RNF111: variants seen among roughly 807,000 people sequenced by gnomAD.
RNF111 encodes the protein E3 ubiquitin-protein ligase Arkadia.
Under a neutral mutation model 95.1 loss-of-function variants are expected in RNF111, and 17 were observed. The observed-to-expected ratio is 0.18, with a 90% CI of 0.12 to 0.27. The LOEUF (loss-of-function observed/expected upper bound fraction) is 0.27. Among genes scored for constraint, RNF111 ranks in the 10% least tolerant of loss-of-function variants. The probability of loss-of-function intolerance (pLI) is 1.00; values close to 1 mark genes in which losing one functional copy is unlikely to be tolerated. For missense variants in RNF111, 1,189 were observed against 1,210.4 expected, an observed-to-expected ratio of 0.98 and a Z score of 0.26; for synonymous variants, 440 against 414.8, an observed-to-expected ratio of 1.06 and a Z score of -0.74.
chr15:59,070,055 T>C (rs2042847533), intron 6 of RNF111, among the ~76,000 whole-genome samples: 1 of 122,830 alleles, frequency 8.1e-6, no homozygotes, highest in South Asian at 2.6e-4. Context: ...TTTTTTTTTT[T>C]TTTTAGAGAG....
At chr15:59,021,948 C>G (rs2040365582) in intron 1 of RNF111, among the ~76,000 whole-genome samples, 1 of 152,058 alleles carries the variant, frequency 6.6e-6, no homozygotes, top group Non-Finnish European at 1.5e-5. Context: ...GCAACCTTGC[C>G]TCCCAGGTTC....
intron 1 of RNF111, among the ~76,000 whole-genome samples, chr15:59,020,498 C>T (rs1187262541): frequency 5.9e-5 from 9 of 152,058 alleles, no homozygotes; most frequent in Non-Finnish European, 1.2e-4. Context: ...TTGCTATTGG[C>T]TGTAATAATA....
Position 59,097,242 on chromosome 15 carries a change from A to C in RNF111, c.*2342A>C, listed in dbSNP as rs561623124. 6.6e-6 allele frequency: 1 copy of C among 152,268 alleles called. No homozygotes were observed. Among genetic ancestry groups the C allele is most frequent in the Non-Finnish European group, 1.5e-5 (1 of 68,056 alleles). The allele number at this position is 152,268 out of a possible 1,614,324, so 9.4% of individuals were successfully genotyped here. Reference sequence around the variant, plus strand: ...TGAACATTTCAGTGGTAGCTGTCCAAATACATAAAAACTAAAATTCTTTTG... The same window carrying C: ...TGAACATTTCAGTGGTAGCTGTCCACATACATAAAAACTAAAATTCTTTTG... On this transcript the variant is annotated 3_prime_UTR_variant, in exon 14 of 14. Coordinates refer to ENST00000348370, the MANE Select transcript of RNF111 (RefSeq NM_017610.8).
chr15:58,988,180 G>A (rs2038651699), intron 1 of RNF111, 112 bp downstream of exon 1: 1 of 152,446 alleles, frequency 6.6e-6, no homozygotes, highest in African/African-American at 2.4e-5. Context: ...GGAAGGCTGG[G>A]GTCGGTGACC....
intron 1 of RNF111, among the ~76,000 whole-genome samples, chr15:59,023,109 A>G (rs146068178): frequency 0.012 from 1,790 of 152,198 alleles, 92 homozygotes; most frequent in Admixed American, 0.1. Context: ...TTAACTGGGC[A>G]TGGTGGTGCG....
At chr15:59,045,577 G>A (rs1032384036) in intron 2 of RNF111, among the ~76,000 whole-genome samples, 1 of 152,080 alleles carries the variant, frequency 6.6e-6, no homozygotes, top group Non-Finnish European at 1.5e-5. Flanking sequence ...TTGACATATA[G>A]ATATAACTTT....
chr15:59,046,294 G>A (rs1264065411), intron 2 of RNF111, among the ~76,000 whole-genome samples: 2 of 151,564 alleles, frequency 1.3e-5, no homozygotes, highest in African/African-American at 2.4e-5. Flanking sequence ...CCAGGGCTAA[G>A]GTGATCCTCC....
At chr15:59,080,886 G>A (rs1414325106) in intron 7 of RNF111, 50 bp from the exon 8 acceptor site, 1 of 1,383,482 alleles carries the variant, frequency 7.2e-7, no homozygotes, top group South Asian at 1.3e-5. Context: ...AGCAATATAT[G>A]TTCAACTGCA....
chr15:59,085,626 A>G lies in RNF111; in HGVS notation c.2424-33A>G, dbSNP rs1177545394. 1.9e-6 allele frequency: 3 copies of G among 1,602,596 alleles called. No individual in the cohort carries two copies. In the South Asian group the frequency reaches 3.4e-5, roughly 18 times the overall value. On this transcript the variant is annotated intron_variant, in intron 9 of 13. Transcript: ENST00000348370. Reference sequence around the variant, plus strand: ...GTCTGTTGATAAAAAAGAGACCCTAAGGAGGATTAAACTGTTCTCATCCTT... The same window carrying G: ...GTCTGTTGATAAAAAAGAGACCCTAGGGAGGATTAAACTGTTCTCATCCTT...
At chr15:59,072,208 G>A (rs78784943) in intron 6 of RNF111, among the ~76,000 whole-genome samples, 1,536 of 152,188 alleles carry the variant, frequency 0.01, 28 homozygotes, top group African/African-American at 0.035. Context: ...TAAAGATTGG[G>A]GTGGCTGTGG....
At chr15:59,092,836 A>C (rs1159648576) in intron 13 of RNF111, among the ~76,000 whole-genome samples, 196 bp downstream of exon 13, 1 of 152,206 alleles carries the variant, frequency 6.6e-6, no homozygotes, top group Non-Finnish European at 1.5e-5. Context: ...TCTACAAAAA[A>C]GAAAAATAGT....
rs769160814 is a variant in RNF111 at position 59,055,788 on chromosome 15, A to T, written c.1114A>T (p.Ile372Leu). ...PRNRSRISTV[I>L]QPLRQNAAEV... ...GAACCGCAGTAGGATTTCTACTGTT[A>T]TACAGCCCTTGAGGCAGAATGCAGC... Residue 372 changes from isoleucine (I) to leucine (L), a missense_variant, in exon 4 of 14, where the codon ATA (isoleucine) becomes TTA (leucine). This residue lies in a region of RNF111 where 1,024 missense variants were observed against 925.9 expected (regional missense o/e 1.11). Transcript: ENST00000348370. The T allele has an allele frequency of 1.9e-6, 3 of 1,614,058 alleles. No homozygotes were observed. The highest frequency in any genetic ancestry group is 2.5e-6 in the Non-Finnish European group (3 of 1,179,952).
At chr15:59,013,055 T>G (rs2039903128) in intron 1 of RNF111, among the ~76,000 whole-genome samples, 1 of 152,040 alleles carries the variant, frequency 6.6e-6, no homozygotes, top group African/African-American at 2.4e-5. Flanking sequence ...CAGCTTTAGA[T>G]TTTTGGAGAT....
chr15:59,071,755 C>T (rs1025186864), intron 6 of RNF111, among the ~76,000 whole-genome samples: 1 of 151,988 alleles, frequency 6.6e-6, no homozygotes, highest in African/African-American at 2.4e-5. Context: ...GGAATCTACC[C>T]TCTGGTTTAT....
At chr15:58,996,831 CTG>C (rs1161141941) in intron 1 of RNF111, among the ~76,000 whole-genome samples, 1 of 151,862 alleles carries the variant, frequency 6.6e-6, no homozygotes, top group Non-Finnish European at 1.5e-5. Flanking sequence ...CAATTAATAT[CTG>C]TACACGGTTT....
chr15:59,092,716 G>A (rs868532928), intron 13 of RNF111, 76 bp downstream of exon 13: 237 of 1,357,580 alleles, frequency 1.7e-4, no homozygotes, highest in South Asian at 1.3e-3. Flanking sequence ...AAATTACACC[G>A]GGCATGATGG....
chr15:59,017,104 G>C (rs1242139213), intron 1 of RNF111, among the ~76,000 whole-genome samples: 2 of 151,970 alleles, frequency 1.3e-5, no homozygotes, highest in Non-Finnish European at 2.9e-5. Flanking sequence ...TAGAAACAAA[G>C]TGCACAATAA....
intron 3 of RNF111, 104 bp from the exon 4 acceptor site, chr15:59,055,578 C>A (rs1020647384): frequency 2.3e-6 from 2 of 864,558 alleles, no homozygotes; most frequent in Non-Finnish European, 3.4e-6. Context: ...TTGGAGAAAT[C>A]TTGTATGAAA....
intron 11 of RNF111, among the ~76,000 whole-genome samples, chr15:59,090,566 A>C (rs1457454799): frequency 6.6e-6 from 1 of 152,086 alleles, no homozygotes; most frequent in African/African-American, 2.4e-5. Flanking sequence ...TGGAAGTTGG[A>C]GTCATTGTGA....
Sources: allele counts gnomAD v4.1 joint callset (sites outside exome capture counted in the v4.1 genomes callset), GRCh38; gene constraint gnomAD v4.1.1; regional missense constraint gnomAD v4.1.1; transcripts MANE v1.5; gene names NCBI Gene and HGNC (gene_info 2026-07-23, HGNC 2026-07-21).